ARHGAP20: variants seen among roughly 807,000 people sequenced by gnomAD.
ARHGAP20 encodes the protein Rho GTPase activating protein 20, also known as rho GTPase-activating protein 20.
Under a neutral mutation model 73.7 loss-of-function variants are expected in ARHGAP20, and 34 were observed. The observed-to-expected ratio is 0.46, with a 90% CI of 0.35 to 0.61. The LOEUF is 0.61. ARHGAP20 is among the 20% of genes least tolerant of loss of function. The probability of loss-of-function intolerance (pLI) is 0.00; values close to 1 mark genes in which losing one functional copy is unlikely to be tolerated. For missense variants in ARHGAP20, 1,314 were observed against 1,420.9 expected (o/e 0.92, Z 1.21); for synonymous variants, 523 against 518.2 (o/e 1.01, Z -0.13).
chr11:110,624,043 T>C lies in ARHGAP20; in HGVS notation c.503+119A>G, dbSNP rs189109524. On this transcript the variant is annotated intron_variant, in intron 4 of 14. Coordinates refer to ENST00000683387, the MANE Select transcript of ARHGAP20 (RefSeq NM_001384657.1). The stretch of plus-strand genomic sequence containing the variant: ...TTATTGATTTAATATGGAATCAGAA[T>C]AAAATATTTCCCTCTTAAAAATTAG... 3.1e-5 allele frequency: 41 copies of C among 1,338,370 alleles called. No individual in the cohort carries two copies. The East Asian group carries it at 9.6e-4, about 31-fold the overall frequency. The allele number at this position is 1,338,370 out of a possible 1,614,324, so 82.9% of individuals were successfully genotyped here. A position where few individuals can be genotyped will look rare whatever the true frequency, so the allele number is the denominator to read the frequency against.
At chr11:110,647,070 T>C (rs1949210410) in intron 2 of ARHGAP20, among the ~76,000 whole-genome samples, 1 of 152,084 alleles carries the variant, frequency 6.6e-6, no homozygotes, top group African/African-American at 2.4e-5. Flanking sequence ...TGTAAAAGAA[T>C]GGTAGCTGTG....
intron 1 of ARHGAP20, among the ~76,000 whole-genome samples, chr11:110,710,058 G>C (rs1950618031): frequency 6.6e-6 from 1 of 152,202 alleles, no homozygotes; most frequent in Non-Finnish European, 1.5e-5. Context: ...TTGGTGCAGA[G>C]AGAGGAAATG....
Position 110,650,341 on chromosome 11 carries a change from A to G in ARHGAP20, c.189-19549T>C, listed in dbSNP as rs374242554. Among the ~76,000 whole-genome samples, 11 of 152,314 alleles carry G rather than the reference A, an allele frequency of 7.2e-5. 1 individual carries two copies. The highest frequency in any genetic ancestry group is 2.4e-4 in the African/African-American group (10 of 41,588). ...CAAAACAGCATCCTTAGTTTCTTCT[A>G]TAACTACAAAAGTAGAGAAATCCTA... On this transcript the variant is annotated intron_variant, in intron 2 of 14. Coordinates refer to ENST00000683387, the MANE Select transcript of ARHGAP20 (RefSeq NM_001384657.1).
At chr11:110,624,759 A>T (rs1255463568) in intron 3 of ARHGAP20, among the ~76,000 whole-genome samples, 2 of 152,168 alleles carry the variant, frequency 1.3e-5, no homozygotes, top group Non-Finnish European at 2.9e-5. Flanking sequence ...AAACTAAAAA[A>T]GGGTTGGCTA....
Position 110,670,218 on chromosome 11 carries a change from C to T in ARHGAP20, c.188+20329G>A, listed in dbSNP as rs182051189. On this transcript the variant is annotated intron_variant, in intron 2 of 14. Coordinates refer to ENST00000683387, the MANE Select transcript of ARHGAP20 (RefSeq NM_001384657.1). ...GTGTGCTTTATTGTACATAATTATA[C>T]TTCAATAAATCTCTCAAAAATAAAT... Among the ~76,000 whole-genome samples, 543 of 152,098 alleles carry T rather than the reference C, an allele frequency of 3.6e-3. 1 individual carries two copies. Among genetic ancestry groups the T allele is most frequent in the Middle Eastern group, 0.01 (3 of 294 alleles).
intron 11 of ARHGAP20, among the ~76,000 whole-genome samples, 185 bp downstream of exon 11, chr11:110,590,463 G>A (rs1565425436): frequency 6.6e-6 from 1 of 152,152 alleles, no homozygotes; most frequent in Non-Finnish European, 1.5e-5. Context: ...ATCATCAGTG[G>A]TAGCTTTTAA....
intron 12 of ARHGAP20, among the ~76,000 whole-genome samples, chr11:110,584,970 TG>T (rs1947599189): frequency 1.2e-5 from 1 of 84,792 alleles, no homozygotes; most frequent in East Asian, 3.6e-4. Flanking sequence ...TGTGAATATA[TG>T]AATATATATG....
intron 4 of ARHGAP20, among the ~76,000 whole-genome samples, chr11:110,622,660 T>C (rs1245327093): frequency 1.3e-5 from 2 of 152,198 alleles, no homozygotes; most frequent in Non-Finnish European, 2.9e-5. Context: ...TGATTTTGTT[T>C]TTCTGACCTG....
At chr11:110,599,264 T>G (rs1430856838) in intron 9 of ARHGAP20, among the ~76,000 whole-genome samples, 1 of 152,226 alleles carries the variant, frequency 6.6e-6, no homozygotes, top group Non-Finnish European at 1.5e-5. Context: ...ATTGCCTGGC[T>G]TCTCCCTGCT....
At chr11:110,712,091 C>A (rs7112658) in intron 1 of ARHGAP20, 36 bp downstream of exon 1, 85,029 of 1,266,712 alleles carry the variant, frequency 0.067, 3,333 homozygotes, top group African/African-American at 0.13. Context: ...GGGGCTGCGG[C>A]GGCGGAGGGC....
Position 110,588,928 on chromosome 11 carries a change from C to T in ARHGAP20, c.1305+1720G>A, listed in dbSNP as rs556919681. ...CTACTAAAAATACAAAAAAATTTGC[C>T]AGGCGTGGTGTCGGGCAACTGTAGT... is the stretch of plus-strand genomic sequence containing the variant. On this transcript the variant is annotated intron_variant, in intron 11 of 14. Transcript: ENST00000683387. Among the ~76,000 whole-genome samples the T allele has an allele frequency of 3.3e-5, 5 of 152,070 alleles. No homozygotes were observed. The South Asian group carries it at 6.2e-4, about 19-fold the overall frequency.
intron 2 of ARHGAP20, among the ~76,000 whole-genome samples, chr11:110,639,485 T>C (rs1368424382): frequency 2.0e-5 from 3 of 152,004 alleles, no homozygotes; most frequent in Non-Finnish European, 4.4e-5. Context: ...TTTAGTACAC[T>C]GACAGTGTTG....
At chr11:110,648,210 AATATATATATGT>A (rs1340392632) in intron 2 of ARHGAP20, among the ~76,000 whole-genome samples, 224 of 113,278 alleles carry the variant, frequency 2.0e-3, no homozygotes, top group African/African-American at 8.2e-3. Context: ...TATATATGTA[AATATATATATGT>A]ATATATATAT....
intron 9 of ARHGAP20, among the ~76,000 whole-genome samples, chr11:110,598,169 C>T (rs1948018051): frequency 8.5e-6 from 1 of 118,266 alleles, no homozygotes; most frequent in African/African-American, 4.2e-5. Flanking sequence ...AGAATATCCC[C>T]ACCTTTTTTT....
intron 11 of ARHGAP20, among the ~76,000 whole-genome samples, chr11:110,590,019 G>C (rs1947781380): frequency 6.6e-6 from 1 of 151,910 alleles, no homozygotes; most frequent in African/African-American, 2.4e-5. Flanking sequence ...TACTCAGGAG[G>C]CTGAGGCAGG....
rs1236069164 is a variant in ARHGAP20 at position 110,584,953 on chromosome 11, GAA to G, written c.1416-1218_1416-1217del. On this transcript the variant is annotated intron_variant, in intron 12 of 14. Transcript: ENST00000683387. The stretch of plus-strand genomic sequence containing the variant: ...TGAATATATGTGTATATGAATATAT[GAA>G]TATATGTGAATATATGAATATATAT... Among the ~76,000 whole-genome samples, 3 of 71,812 alleles carry G rather than the reference GAA, an allele frequency of 4.2e-5. No individual in the cohort carries two copies. In the Admixed American group the frequency reaches 6.3e-4, roughly 15 times the overall value. The allele number at this position is 71,812 out of a possible 152,430, so 47.1% of individuals were successfully genotyped here.
Position 110,580,945 on chromosome 11 carries a change from C to A in ARHGAP20, c.2001G>T (p.Lys667Asn). ...CCCTGGCATGATCCCGCAGTGGGATCTTTGTGTACACTAAAATGTTCACCG... is the reference window on the plus strand; with the variant it reads ...CCCTGGCATGATCCCGCAGTGGGATATTTGTGTACACTAAAATGTTCACCG... ...SKPVNILVYTKIPLRDHARAP... is the reference protein window; with the variant it reads ...SKPVNILVYTNIPLRDHARAP... Residue 667 changes from lysine to asparagine, a missense_variant, in exon 15 of 15, where the codon AAG becomes AAT. Around this residue, in one of 3 missense-constraint regions of ARHGAP20, gnomAD observed 641 missense variants for 636.9 expected, o/e 1.01. Coordinates refer to ENST00000683387, the MANE Select transcript of ARHGAP20 (RefSeq NM_001384657.1). The A allele has an allele frequency of 6.2e-7, 1 of 1,614,162 alleles. No homozygotes were observed. Among genetic ancestry groups the A allele is most frequent in the Non-Finnish European group, 8.5e-7 (1 of 1,180,008 alleles).
intron 2 of ARHGAP20, among the ~76,000 whole-genome samples, chr11:110,664,727 CAA>C (rs34643863): frequency 0.31 from 27,213 of 87,116 alleles, 1,504 homozygotes; most frequent in East Asian, 0.39. Flanking sequence ...GACTCCGTCT[CAA>C]AAAAAAAAAA....
Position 110,712,112 on chromosome 11 carries a change from G to A in ARHGAP20, c.105+15C>T, listed in dbSNP as rs541778035. ...GCGGCGGCGGAGGGCACGGGCCCCC[G>A]CTCAGCGTCCTCACCTTCTTGGTGC... On this transcript the variant is annotated intron_variant, in intron 1 of 14. Coordinates refer to ENST00000683387, the MANE Select transcript of ARHGAP20 (RefSeq NM_001384657.1). 7 of 1,315,266 alleles carry A rather than the reference G, an allele frequency of 5.3e-6. No individual in the cohort carries two copies. Among genetic ancestry groups the A allele is most frequent in the South Asian group, 2.7e-5 (1 of 37,198 alleles). 81.5% of individuals were successfully genotyped at this position (1,315,266 alleles called of 1,614,324 possible). A position where few individuals can be genotyped will look rare whatever the true frequency, so the allele number is the denominator to read the frequency against.
Sources: gnomAD v4.1 joint callset for allele counts (sites outside exome capture counted in the v4.1 genomes callset) on GRCh38, gnomAD v4.1.1 for gene constraint, gnomAD v4.1.1 regional missense constraint, MANE v1.5 for transcripts, NCBI Gene and HGNC (gene_info 2026-07-23, HGNC 2026-07-21) for gene names.